The following ANKRD27 variants were observed in gnomAD, a reference collection of about 807,000 sequenced individuals.
ANKRD27 encodes the protein ankyrin repeat domain 27.
ANKRD27 carries 112 observed loss-of-function variants against 129.7 expected under a neutral mutation model. That is an observed-to-expected ratio of 0.86 (90% CI 0.74 to 1.01). The LOEUF (loss-of-function observed/expected upper bound fraction) is 1.01. Ranked by LOEUF, ANKRD27 falls within the 50% of genes least tolerant of loss-of-function variation. ANKRD27 has a pLI of 0.00. For missense variants in ANKRD27, 1,258 were observed against 1,300.5 expected, an observed-to-expected ratio of 0.97 and a Z score of 0.50; for synonymous variants, 516 against 511.2, an observed-to-expected ratio of 1.01 and a Z score of -0.13.
At chr19:32,659,605 C>T (rs922541905) in intron 1 of ANKRD27, among the ~76,000 whole-genome samples, 1 of 152,068 alleles carries the variant, frequency 6.6e-6, no homozygotes, top group African/African-American at 2.4e-5. Context: ...TCCTACATGA[C>T]CAAAATTATG....
chr19:32,658,372 C>T (rs1156693756), intron 2 of ANKRD27, among the ~76,000 whole-genome samples: 1 of 152,188 alleles, frequency 6.6e-6, no homozygotes, highest in African/African-American at 2.4e-5. Context: ...CTCCTGCCTG[C>T]TTCTCATTCC....
rs546163855 is a variant in ANKRD27, at chr19:32,624,366, C to CAA, written c.1629+1506_1629+1507dup. Reference sequence around the variant, plus strand: ...TGGGCAACAGAGCAAGACTCCGTCTCAAAAAAAAAAAAAAAAAGAATGTGC... The same window carrying CAA: ...TGGGCAACAGAGCAAGACTCCGTCTCAAAAAAAAAAAAAAAAAAAGAATGTGC... On this transcript the variant is annotated intron_variant, in intron 17 of 28. Transcript: ENST00000306065. Among the ~76,000 whole-genome samples the CAA allele has an allele frequency of 2.1e-3, 155 of 72,772 alleles. 1 individual carries two copies. Among genetic ancestry groups the CAA allele is most frequent in the Admixed American group, 9.0e-3 (59 of 6,556 alleles). The allele number at this position is 72,772 out of a possible 152,430, so 47.7% of individuals were successfully genotyped here. A position where few individuals can be genotyped will look rare whatever the true frequency, so the allele number is the denominator to read the frequency against.
At chr19:32,665,705 C>T (rs867372836) in intron 1 of ANKRD27, among the ~76,000 whole-genome samples, 8 of 151,870 alleles carry the variant, frequency 5.3e-5, no homozygotes, top group Non-Finnish European at 5.9e-5. Flanking sequence ...GTGATCCGCC[C>T]GCCTTGGCCT....
Position 32,598,283 on chromosome 19 carries a change from CCT to C in ANKRD27, c.3013_3014del (p.Arg1005AlafsTer41), listed in dbSNP as rs781414796. The C allele has an allele frequency of 5.6e-6, 9 of 1,614,088 alleles. No individual in the cohort carries two copies. The highest frequency in any genetic ancestry group is 1.3e-5 in the African/African-American group (1 of 74,924). On this transcript the variant is annotated frameshift_variant, in exon 29 of 29. Transcript: ENST00000306065. LOFTEE classifies it low-confidence loss of function (END_TRUNC). Reference sequence around the variant, plus strand: ...CAGGGCCAGTCTGTGTCAGTCCAGGCCTCTCTGGCCAGTCGCTGTTGCCTTTC... The same window carrying C: ...CAGGGCCAGTCTGTGTCAGTCCAGGCCTCTGGCCAGTCGCTGTTGCCTTTC... Reference protein sequence around the residue: ...AEKGNSDWPERPGLTQTGPGH... With the variant: ...AEKGNSDWPEXPGLTQTGPGH...
At position 32,644,515 on chromosome 19, in the gene ANKRD27, C is replaced by A. The variant is rs748163448; in HGVS notation, c.371-36G>T. ...AACAAACAGGTCAGGCCGGCTGAAG[C>A]CTCTGCTGGTTCCTGACTCTGTCCT... On this transcript the variant is annotated intron_variant, in intron 4 of 28. Transcript: ENST00000306065. The A allele has an allele frequency of 3.1e-6, 5 of 1,604,696 alleles. No individual in the cohort carries two copies. The Admixed American group carries it at 8.4e-5, about 27-fold the overall frequency.
intron 25 of ANKRD27, among the ~76,000 whole-genome samples, 163 bp from the exon 26 acceptor site, chr19:32,602,289 G>C (rs1172521773): frequency 6.6e-6 from 1 of 151,910 alleles, no homozygotes; most frequent in Non-Finnish European, 1.5e-5. Context: ...GGTAAAAGCA[G>C]GCCTGCATGG....
intron 18 of ANKRD27, among the ~76,000 whole-genome samples, chr19:32,621,143 C>G (rs1049910141): frequency 7.2e-6 from 1 of 139,664 alleles, no homozygotes; most frequent in African/African-American, 2.8e-5. Flanking sequence ...GAAAGAACAA[C>G]CTGGAAGAGC....
Position 32,599,851 on chromosome 19 carries a change from G to A in ANKRD27, c.2847-75C>T, listed in dbSNP as rs79274059. The A allele has an allele frequency of 4.4e-3, 6,806 of 1,551,878 alleles. 136 individuals are homozygous for A. In the East Asian group the frequency reaches 0.064, roughly 15 times the overall value. The stretch of plus-strand genomic sequence containing the variant: ...CACTCTGGTTGGCCACAAGGTGGCA[G>A]CATTTTTGACATTAGTAGGTGCAGA... On this transcript the variant is annotated intron_variant, in intron 27 of 28. Transcript: ENST00000306065.
At chr19:32,618,451 GAAAAA>G (rs55674756) in intron 20 of ANKRD27, among the ~76,000 whole-genome samples, 2 of 100,322 alleles carry the variant, frequency 2.0e-5, no homozygotes, top group Admixed American at 1.2e-4. Context: ...GTCCCAAAAA[GAAAAA>G]AAAAAAAAAA....
At chr19:32,652,752 A>C (rs1300278627) in intron 2 of ANKRD27, among the ~76,000 whole-genome samples, 1 of 151,732 alleles carries the variant, frequency 6.6e-6, no homozygotes, top group Non-Finnish European at 1.5e-5. Context: ...ACAGGGCAAA[A>C]CCCTGTCTCT....
At chr19:32,601,421 C>T (rs781457944) in intron 26 of ANKRD27, among the ~76,000 whole-genome samples, 35 of 151,838 alleles carry the variant, frequency 2.3e-4, no homozygotes, top group Non-Finnish European at 4.9e-4. Context: ...ACGGTGAAGC[C>T]CCTCTCTACT....
chr19:32,599,081 A>C (rs936809305), intron 28 of ANKRD27, among the ~76,000 whole-genome samples: 1 of 152,204 alleles, frequency 6.6e-6, no homozygotes, highest in African/African-American at 2.4e-5. Flanking sequence ...GGAGTTCAAG[A>C]CCAGCCTGGC....
At chr19:32,606,550 G>A (rs931216020) in intron 23 of ANKRD27, among the ~76,000 whole-genome samples, 1 of 33,808 alleles carries the variant, frequency 3.0e-5, no homozygotes, top group Non-Finnish European at 1.1e-4. Flanking sequence ...GCTCTGTGCG[G>A]TTGAAGCGCA....
At chr19:32,656,880 A>G (rs1967548404) in intron 2 of ANKRD27, among the ~76,000 whole-genome samples, 2 of 152,122 alleles carry the variant, frequency 1.3e-5, no homozygotes, top group Non-Finnish European at 2.9e-5. Context: ...GCTTTTAATA[A>G]TTGCTGTGAA....
chr19:32,670,313 G>A (rs1967843526), intron 1 of ANKRD27, among the ~76,000 whole-genome samples: 1 of 152,148 alleles, frequency 6.6e-6, no homozygotes, highest in Non-Finnish European at 1.5e-5. Flanking sequence ...AAAGAGCTCT[G>A]TCCTTTCATC....
rs1299574932 is a variant in ANKRD27, at chr19:32,597,098, A to T, written c.*1047T>A. 1 of 146,228 alleles carries T rather than the reference A, an allele frequency of 6.8e-6. No individual in the cohort carries two copies. Among genetic ancestry groups the T allele is most frequent in the Non-Finnish European group, 1.5e-5 (1 of 65,844 alleles). The allele number at this position is 146,228 out of a possible 1,614,324, so 9.1% of individuals were successfully genotyped here. A position where few individuals can be genotyped will look rare whatever the true frequency, so the allele number is the denominator to read the frequency against. On this transcript the variant is annotated 3_prime_UTR_variant, in exon 29 of 29. Transcript: ENST00000306065. ...TAGAAATCATAAATTACTTTGTAGAAAAATAATCCCTCCCTTCCTTCTGTA... is the reference window on the plus strand; with the variant it reads ...TAGAAATCATAAATTACTTTGTAGATAAATAATCCCTCCCTTCCTTCTGTA...
intron 2 of ANKRD27, among the ~76,000 whole-genome samples, chr19:32,652,650 A>C (rs1234497247): frequency 6.6e-6 from 1 of 151,824 alleles, no homozygotes; most frequent in Non-Finnish European, 1.5e-5. Flanking sequence ...AAAAGGAGAC[A>C]GGTGAGGTGG....
At chr19:32,631,348 G>A in intron 13 of ANKRD27, 54 bp downstream of exon 13, 1 of 1,492,244 alleles carries the variant, frequency 6.7e-7, no homozygotes, top group Non-Finnish European at 9.3e-7. Flanking sequence ...GAGGCACCAA[G>A]AGATGCAGTG....
At chr19:32,639,131 A>T in intron 12 of ANKRD27, 2 of 567,740 alleles carry the variant, frequency 3.5e-6, no homozygotes, top group South Asian at 4.8e-5. Flanking sequence ...GAAGTAGGAT[A>T]TTAACAATGT....
Sources: gnomAD v4.1 joint callset for allele counts (sites outside exome capture counted in the v4.1 genomes callset) on GRCh38, gnomAD v4.1.1 for gene constraint, MANE v1.5 for transcripts, NCBI Gene and HGNC (gene_info 2026-07-23, HGNC 2026-07-21) for gene names.